The following BLVRA variants were observed in gnomAD, a reference collection of about 807,000 sequenced individuals.
BLVRA encodes BVR A.
A neutral mutation model predicts 32.8 loss-of-function variants in BLVRA; 22 were observed. The ratio of observed to expected loss-of-function variants is 0.67; its 90% confidence interval spans 0.48 to 0.96. The LOEUF (loss-of-function observed/expected upper bound fraction) is 0.96. BLVRA is among the 40% of genes least tolerant of loss of function. BLVRA has a pLI of 0.00. For missense variants in BLVRA, 323 were observed against 358.1 expected (o/e 0.90, Z 0.79); for synonymous variants, 119 against 141.3 (o/e 0.84, Z 1.12).
chr7:43,768,339 G>A (rs2132548136), intron 1 of BLVRA, among the ~76,000 whole-genome samples: 1 of 152,220 alleles, frequency 6.6e-6, no homozygotes, highest in African/African-American at 2.4e-5. Flanking sequence ...TGGACACCAG[G>A]TCTCCTGTTT....
At chr7:43,783,969 TTTTTCTAAG>T (rs1371686289) in intron 2 of BLVRA, among the ~76,000 whole-genome samples, 2 of 151,622 alleles carry the variant, frequency 1.3e-5, no homozygotes, top group Admixed American at 1.3e-4. Flanking sequence ...AAAAAAATTT[TTTTTCTAAG>T]TTGGCAGAGC....
At chr7:43,793,911 C>T (rs1267290375) in intron 5 of BLVRA, among the ~76,000 whole-genome samples, 1 of 150,534 alleles carries the variant, frequency 6.6e-6, no homozygotes, top group Non-Finnish European at 1.5e-5. Context: ...CATGAGTGAC[C>T]GTGCCCGGCA....
At chr7:43,804,752 A>C (rs2095802357) in intron 7 of BLVRA, among the ~76,000 whole-genome samples, 1 of 152,198 alleles carries the variant, frequency 6.6e-6, no homozygotes, top group South Asian at 2.1e-4. Context: ...GCACATTCAT[A>C]ATTTTCCTCC....
intron 1 of BLVRA, among the ~76,000 whole-genome samples, chr7:43,763,239 T>C (rs962139045): frequency 3.4e-4 from 51 of 152,078 alleles, no homozygotes; most frequent in African/African-American, 1.2e-3. Context: ...GGAATACTGC[T>C]GGAGGAGCCA....
At chr7:43,804,829 G>A (rs533405056) in intron 7 of BLVRA, among the ~76,000 whole-genome samples, 2 of 152,330 alleles carry the variant, frequency 1.3e-5, no homozygotes, top group African/African-American at 4.8e-5. Flanking sequence ...GGATGCCTTT[G>A]CAGAGAGGTG....
chr7:43,774,473 G>A (rs1399859022), intron 2 of BLVRA, among the ~76,000 whole-genome samples: 1 of 152,106 alleles, frequency 6.6e-6, no homozygotes, highest in Non-Finnish European at 1.5e-5. Flanking sequence ...ATTTCTGAGG[G>A]CTCTGTTCTG....
At chr7:43,802,847 C>T (rs1271926203) in intron 6 of BLVRA, among the ~76,000 whole-genome samples, 1 of 152,224 alleles carries the variant, frequency 6.6e-6, no homozygotes, top group African/African-American at 2.4e-5. Flanking sequence ...AAGTGATTCT[C>T]CTGCCTCAGC....
intron 5 of BLVRA, among the ~76,000 whole-genome samples, chr7:43,794,410 C>G (rs2095789557): frequency 6.6e-6 from 1 of 152,044 alleles, no homozygotes; most frequent in Non-Finnish European, 1.5e-5. Context: ...TAGACAAATA[C>G]AGACTTCCGT....
Position 43,807,256 on chromosome 7 carries a change from C to T in BLVRA, c.*21C>T, listed in dbSNP as rs200440499. 6 of 1,601,244 alleles carry T rather than the reference C, an allele frequency of 3.7e-6. No individual in the cohort carries two copies. The African/African-American group carries it at 6.7e-5, about 18-fold the overall frequency. Reference sequence around the variant, plus strand: ...AGTAAGAGGAGGAGGTGATGTAGCACTTCCAAGATGGCACCAGCATTTGGT... The same window carrying T: ...AGTAAGAGGAGGAGGTGATGTAGCATTTCCAAGATGGCACCAGCATTTGGT... On this transcript the variant is annotated 3_prime_UTR_variant, in exon 8 of 8. Coordinates refer to ENST00000265523, the MANE Select transcript of BLVRA (RefSeq NM_000712.4).
intron 5 of BLVRA, among the ~76,000 whole-genome samples, chr7:43,793,303 T>C (rs1430109885): frequency 6.6e-6 from 1 of 152,212 alleles, no homozygotes; most frequent in East Asian, 1.9e-4. Flanking sequence ...TCTTCTAGAA[T>C]CCCTTGGAGG....
chr7:43,764,914 G>C (rs929157821), intron 1 of BLVRA, among the ~76,000 whole-genome samples: 3 of 152,178 alleles, frequency 2.0e-5, no homozygotes, highest in Non-Finnish European at 4.4e-5. Flanking sequence ...TCCTGCTCTT[G>C]ATCACATAGC....
At chr7:43,770,179 G>C (rs1019504541) in intron 1 of BLVRA, among the ~76,000 whole-genome samples, 8 of 152,130 alleles carry the variant, frequency 5.3e-5, no homozygotes, top group Non-Finnish European at 1.2e-4. Context: ...CGGCTTCCTG[G>C]ACAGCCTATG....
intron 2 of BLVRA, among the ~76,000 whole-genome samples, chr7:43,781,567 C>CCT (rs2095769569): frequency 6.6e-6 from 1 of 152,180 alleles, no homozygotes; most frequent in Admixed American, 6.5e-5. Flanking sequence ...GAACTCCTGA[C>CCT]CTCAAGTGAC....
At chr7:43,761,722 A>T (rs1207655383) in intron 1 of BLVRA, among the ~76,000 whole-genome samples, 1 of 152,212 alleles carries the variant, frequency 6.6e-6, no homozygotes. Context: ...GTTTGGGGCT[A>T]GGAGGGATGC....
intron 7 of BLVRA, among the ~76,000 whole-genome samples, 197 bp from the exon 8 acceptor site, chr7:43,806,780 G>A (rs749598045): frequency 6.6e-6 from 1 of 152,040 alleles, no homozygotes; most frequent in Non-Finnish European, 1.5e-5. Context: ...GAATTCCCCT[G>A]CCTGATGGCA....
chr7:43,798,626 A>C (rs1475855988), intron 5 of BLVRA, among the ~76,000 whole-genome samples: 1 of 152,188 alleles, frequency 6.6e-6, no homozygotes, highest in Non-Finnish European at 1.5e-5. Context: ...TTTCTGGCAC[A>C]AAGTGGTTAA....
At position 43,779,191 on chromosome 7, in the gene BLVRA, G is replaced by A. The variant is rs372674223; in HGVS notation, c.12+8021G>A. 3.3e-4 allele frequency among the ~76,000 whole-genome samples: 51 copies of A among 152,324 alleles called. No homozygotes were observed. In the East Asian group the frequency reaches 4.4e-3, roughly 13 times the overall value. ...TGGCACTCCCTAGTGAGGTGAACCC[G>A]GTACCTCAGATGGAAATGCAGAAAT... On this transcript the variant is annotated intron_variant, in intron 2 of 7. Transcript: ENST00000265523.
intron 2 of BLVRA, among the ~76,000 whole-genome samples, chr7:43,783,234 C>T (rs1234970654): frequency 6.6e-6 from 1 of 152,086 alleles, no homozygotes; most frequent in Non-Finnish European, 1.5e-5. Context: ...CCCTCCTATC[C>T]CTGTTTCCCA....
At chr7:43,800,051 G>A (rs1025762287) in intron 5 of BLVRA, among the ~76,000 whole-genome samples, 3 of 152,154 alleles carry the variant, frequency 2.0e-5, no homozygotes, top group Admixed American at 6.6e-5. Context: ...TGCCTCCCAG[G>A]TTCTAGTGAT....
Sources: gnomAD v4.1 joint callset for allele counts (sites outside exome capture counted in the v4.1 genomes callset) on GRCh38, gnomAD v4.1.1 for gene constraint, MANE v1.5 for transcripts, NCBI Gene and HGNC (gene_info 2026-07-23, HGNC 2026-07-21) for gene names.